ADD3: variants seen among roughly 807,000 people sequenced by gnomAD.
ADD3 encodes the protein adducin 3.
A neutral mutation model predicts 80.2 loss-of-function variants in ADD3; 25 were observed. That is an observed-to-expected ratio of 0.31 (90% CI 0.23 to 0.44). The LOEUF (loss-of-function observed/expected upper bound fraction) is 0.44, where lower values mean the gene tolerates loss of function less well. Among genes scored for constraint, ADD3 ranks in the 20% least tolerant of loss-of-function variants. The probability of loss-of-function intolerance (pLI) is 1.00; values close to 1 mark genes in which losing one functional copy is unlikely to be tolerated. For missense variants in ADD3, 829 were observed against 847.5 expected (o/e 0.98, Z 0.27); for synonymous variants, 284 against 289.6 (o/e 0.98, Z 0.20).
intron 1 of ADD3, among the ~76,000 whole-genome samples, chr10:110,055,602 GTAAC>G (rs1858087085): frequency 6.6e-6 from 1 of 152,016 alleles, no homozygotes; most frequent in Non-Finnish European, 1.5e-5. Flanking sequence ...GTATAAGTGA[GTAAC>G]TATGGCAGCT....
At chr10:110,126,921 A>G (rs1285626739) in intron 12 of ADD3, among the ~76,000 whole-genome samples, 2 of 152,214 alleles carry the variant, frequency 1.3e-5, no homozygotes, top group East Asian at 3.8e-4. Flanking sequence ...TTTTTCATCA[A>G]ATCTGTGTTA....
chr10:110,052,277 G>A (rs1857603534), intron 1 of ADD3, among the ~76,000 whole-genome samples: 1 of 152,118 alleles, frequency 6.6e-6, no homozygotes, highest in South Asian at 2.1e-4. Context: ...AAGAATCACT[G>A]CTCATAAGAT....
At chr10:110,097,651 C>T (rs1848325496) in intron 1 of ADD3, among the ~76,000 whole-genome samples, 1 of 152,130 alleles carries the variant, frequency 6.6e-6, no homozygotes, top group African/African-American at 2.4e-5. Flanking sequence ...AATTGTCTCA[C>T]TGATGTCCTT....
At chr10:110,027,080 A>G (rs1034134963) in intron 1 of ADD3, among the ~76,000 whole-genome samples, 3 of 152,234 alleles carry the variant, frequency 2.0e-5, no homozygotes, top group African/African-American at 7.2e-5. Flanking sequence ...TATGTTCATG[A>G]AAGTATATGA....
chr10:110,132,798 G>T (rs1377202929), intron 14 of ADD3: 1 of 165,486 alleles, frequency 6.0e-6, no homozygotes, highest in Non-Finnish European at 1.3e-5. Flanking sequence ...GTGGTGGCGG[G>T]CGCCTGTAGT....
chr10:110,078,396 G>A (rs1564937117), intron 1 of ADD3, among the ~76,000 whole-genome samples: 1 of 152,190 alleles, frequency 6.6e-6, no homozygotes, highest in Non-Finnish European at 1.5e-5. Flanking sequence ...AAAATGTTTG[G>A]ATGTTAACTC....
intron 1 of ADD3, among the ~76,000 whole-genome samples, chr10:110,082,952 A>G (rs983886333): frequency 2.0e-5 from 3 of 152,200 alleles, no homozygotes; most frequent in Non-Finnish European, 4.4e-5. Context: ...AGTTTGCTCT[A>G]GAATCCCTGT....
chr10:110,055,402 G>T (rs1011853449), intron 1 of ADD3, among the ~76,000 whole-genome samples: 2 of 152,116 alleles, frequency 1.3e-5, no homozygotes, highest in Non-Finnish European at 2.9e-5. Flanking sequence ...TTTGGGATGA[G>T]TACTGAGTTC....
chr10:110,008,359 G>C (rs1851882700), intron 1 of ADD3, 60 bp downstream of exon 1: 1 of 152,450 alleles, frequency 6.6e-6, no homozygotes, highest in Non-Finnish European at 1.5e-5. Context: ...CGGGACGCGG[G>C]CACCCGCGCG....
rs185630367 is a variant in ADD3, at chr10:110,124,355, T to C, written c.1401+81T>C. On this transcript the variant is annotated intron_variant, in intron 10 of 14. Transcript: ENST00000356080. ...AGAATTGAATGTTCTATATTGAAAATATTTGGAAAGTAAAATAATATTAAA... is the reference window on the plus strand; with the variant it reads ...AGAATTGAATGTTCTATATTGAAAACATTTGGAAAGTAAAATAATATTAAA... 8.8e-4 allele frequency: 1,291 copies of C among 1,464,372 alleles called. 14 individuals carry two copies. In the African/African-American group the frequency reaches 0.016, roughly 18 times the overall value. The allele number at this position is 1,464,372 out of a possible 1,614,324, so 90.7% of individuals were successfully genotyped here. A position where few individuals can be genotyped will look rare whatever the true frequency, so the allele number is the denominator to read the frequency against.
chr10:110,087,423 G>T (rs542109387), intron 1 of ADD3, among the ~76,000 whole-genome samples: 2 of 152,150 alleles, frequency 1.3e-5, no homozygotes, highest in Non-Finnish European at 2.9e-5. Context: ...CAGTGTTTCC[G>T]CTATGATGGA....
Position 110,053,430 on chromosome 10 carries a change from ATG to A in ADD3, c.-30+45135_-30+45136del, listed in dbSNP as rs925886029. 1.1e-3 allele frequency among the ~76,000 whole-genome samples: 139 copies of A among 121,902 alleles called. 1 individual carries two copies. The highest frequency in any genetic ancestry group is 9.7e-3 in the African/African-American group (136 of 14,078). The allele number at this position is 121,902 out of a possible 152,430, so 80.0% of individuals were successfully genotyped here. On this transcript the variant is annotated intron_variant, in intron 1 of 14. Coordinates refer to ENST00000356080, the MANE Select transcript of ADD3 (RefSeq NM_016824.5). ...TCTGGATTCTATAAAGGTCATCTCTATGTGTTTAAATTTTATGTCTGCATTTC... is the reference window on the plus strand; with the variant it reads ...TCTGGATTCTATAAAGGTCATCTCTATGTTTAAATTTTATGTCTGCATTTC...
intron 1 of ADD3, among the ~76,000 whole-genome samples, chr10:110,045,691 A>G (rs1276998839): frequency 6.6e-6 from 1 of 152,252 alleles, no homozygotes; most frequent in African/African-American, 2.4e-5. Context: ...AAATATACAC[A>G]TATCTATTAT....
intron 9 of ADD3, among the ~76,000 whole-genome samples, chr10:110,123,521 T>C (rs1851769037): frequency 6.6e-6 from 1 of 152,246 alleles, no homozygotes; most frequent in South Asian, 2.1e-4. Context: ...TCAGATCCTT[T>C]GCCTATTTTT....
chr10:109,998,087 A>G lies in ADD3; in HGVS notation n.79+1641A>G, dbSNP rs183679096. On this transcript the variant is annotated intron_variant and non_coding_transcript_variant, in intron 1 of 5. Coordinates refer to the ADD3 transcript ENST00000468251. ...TGCTCTTTTGAAGATTCCTATGGGG[A>G]GGAAATTAATGATAAATAAGTACAA... Among the ~76,000 whole-genome samples, 95 of 152,338 alleles carry G rather than the reference A, an allele frequency of 6.2e-4. 1 individual carries two copies. The highest frequency in any genetic ancestry group is 1.1e-3 in the Non-Finnish European group (75 of 68,034).
intron 1 of ADD3, among the ~76,000 whole-genome samples, chr10:110,035,552 G>A (rs1028306046): frequency 1.3e-5 from 2 of 152,022 alleles, no homozygotes; most frequent in Non-Finnish European, 2.9e-5. Flanking sequence ...CACTTGTGGC[G>A]CTTTGTCAGC....
At chr10:110,080,035 G>T (rs915756092) in intron 1 of ADD3, among the ~76,000 whole-genome samples, 2 of 152,096 alleles carry the variant, frequency 1.3e-5, no homozygotes, top group Admixed American at 6.5e-5. Context: ...GGTACTATAG[G>T]GAAGGTATAA....
chr10:110,066,338 C>G (rs937273260), intron 1 of ADD3, among the ~76,000 whole-genome samples: 1 of 152,064 alleles, frequency 6.6e-6, no homozygotes, highest in Non-Finnish European at 1.5e-5. Flanking sequence ...CTCCGAGGTT[C>G]AAGCAGTTCT....
At chr10:110,019,146 A>G (rs1338892581) in intron 1 of ADD3, among the ~76,000 whole-genome samples, 1 of 152,096 alleles carries the variant, frequency 6.6e-6, no homozygotes, top group East Asian at 1.9e-4. Flanking sequence ...TTTAAATCTA[A>G]TATGTGGATG....
Sources: allele counts gnomAD v4.1 joint callset (sites outside exome capture counted in the v4.1 genomes callset), GRCh38; gene constraint gnomAD v4.1.1; transcripts MANE v1.5; gene names NCBI Gene and HGNC (gene_info 2026-07-23, HGNC 2026-07-21).